Variants in MVB12A observed in about 807,000 individuals in gnomAD.
MVB12A encodes the protein CIN85/CD2AP family binding protein.
A neutral mutation model predicts 34.3 loss-of-function variants in MVB12A; 30 were observed. The ratio of observed to expected loss-of-function variants is 0.88; its 90% CI spans 0.65 to 1.19. MVB12A has a LOEUF of 1.19. MVB12A is among the 50% of genes most tolerant of loss of function. The pLI is 0.00. For synonymous variants in MVB12A, 158 were observed against 158.9 expected (o/e 0.99, Z 0.04); for missense variants, 355 against 369.2 (o/e 0.96, Z 0.31).
chr19:17,420,161 C>T lies in MVB12A; in HGVS notation c.26C>T (p.Ser9Leu), dbSNP rs916216238. 2.9e-6 allele frequency: 4 copies of T among 1,391,908 alleles called. No individual in the cohort carries two copies. Among genetic ancestry groups the T allele is most frequent in the African/African-American group, 3.0e-5 (2 of 65,894 alleles). The allele number at this position is 1,391,908 out of a possible 1,614,324, so 86.2% of individuals were successfully genotyped here. MDPVPGTD[S>L]APLAGLAWSS... ...ATGGATCCCGTACCCGGGACAGACTCGGCGCCGCTGGCTGGCCTGGCCTGG... is the reference window on the plus strand; with the variant it reads ...ATGGATCCCGTACCCGGGACAGACTTGGCGCCGCTGGCTGGCCTGGCCTGG... The change falls in exon 1 of 9, where the codon TCG becomes TTG. Residue 9 changes from serine to leucine, a missense_variant. Physicochemically the swap from Ser to Leu is moderately radical, Grantham distance 145 (BLOSUM62 -2). Coordinates refer to ENST00000317040, the MANE Select transcript of MVB12A (RefSeq NM_138401.4).
upstream of MVB12A, chr19:17,418,285 C>A: frequency 5.1e-6 from 1 of 195,288 alleles, no homozygotes; most frequent in South Asian, 1.0e-4. Context: ...TCACCATTAG[C>A]CATCCTGACT....
chr19:17,407,019 T>TA (rs1363803206), intron 2 of MVB12A, among the ~76,000 whole-genome samples: 3 of 152,150 alleles, frequency 2.0e-5, no homozygotes, highest in Non-Finnish European at 4.4e-5. Flanking sequence ...CCTGCTAACT[T>TA]TAGGGTTAGT....
chr19:17,423,260 G>A (rs554167596), intron 4 of MVB12A, among the ~76,000 whole-genome samples: 1 of 150,330 alleles, frequency 6.7e-6, no homozygotes, highest in Non-Finnish European at 1.5e-5. Context: ...TCCAGAGGCT[G>A]AGGCAGGAGA....
Position 17,423,711 on chromosome 19 carries a change from G to GCGGACAGCGTCAAGGCTGGGCTCT in MVB12A, c.556_579dup (p.Thr186_Arg193dup), listed in dbSNP as rs761021258. ...CCTCCAGTAAGGGCGGCCTCCTGGA[G>GCGGACAGCGTCAAGGCTGGGCTCT]CGGACAGCGTCAAGGCTGGGCTCTC... On this transcript the variant is annotated inframe_insertion, in exon 6 of 9. Coordinates refer to ENST00000317040, the MANE Select transcript of MVB12A (RefSeq NM_138401.4). 1.9e-6 allele frequency: 3 copies of GCGGACAGCGTCAAGGCTGGGCTCT among 1,613,844 alleles called. No homozygotes were observed. In the African/African-American group the frequency reaches 4.0e-5, roughly 22 times the overall value.
intron 2 of MVB12A, among the ~76,000 whole-genome samples, chr19:17,408,943 C>T (rs2074746261): frequency 6.7e-6 from 1 of 149,516 alleles, no homozygotes; most frequent in South Asian, 2.1e-4. Context: ...ATTCTCCTGC[C>T]TCAGCCTCCT....
rs1232206951 is a variant in MVB12A at position 17,420,649 on chromosome 19, G to A, written c.286+15G>A. The A allele has an allele frequency of 3.2e-6, 5 of 1,570,036 alleles. No individual in the cohort carries two copies. Among genetic ancestry groups the A allele is most frequent in the Non-Finnish European group, 8.8e-7 (1 of 1,140,296 alleles). The stretch of plus-strand genomic sequence containing the variant: ...CATGGATTCCAGTAAGGGCTGCTTC[G>A]GAGGCGAGAGTTGTCCGGGTCCCTT... On this transcript the variant is annotated intron_variant, in intron 3 of 8. Transcript: ENST00000317040.
rs746506881 is a variant in MVB12A, at chr19:17,424,540, A to C, written c.703-81A>C. 1.6e-5 allele frequency: 22 copies of C among 1,386,500 alleles called. No individual in the cohort carries two copies. In the African/African-American group the frequency reaches 2.6e-4, roughly 16 times the overall value. The allele number at this position is 1,386,500 out of a possible 1,614,324, so 85.9% of individuals were successfully genotyped here. A position where few individuals can be genotyped will look rare whatever the true frequency, so the allele number is the denominator to read the frequency against. The stretch of plus-strand genomic sequence containing the variant: ...GGAATATTCGGGGAGTGTTGGGGGG[A>C]GGGCAGGACCCCTTGAAGACGAAGG... On this transcript the variant is annotated intron_variant, in intron 7 of 8. Transcript: ENST00000317040.
upstream of MVB12A, chr19:17,419,842 C>T (rs1214059021): frequency 7.3e-6 from 2 of 273,120 alleles, no homozygotes; most frequent in East Asian, 1.3e-4. Flanking sequence ...GGTCCTGTGC[C>T]GTAGCATTTC....
chr19:17,416,220 TACAGGCGC>T (rs2074798650), upstream of MVB12A, among the ~76,000 whole-genome samples: 1 of 79,260 alleles, frequency 1.3e-5, no homozygotes, highest in African/African-American at 1.5e-4. Flanking sequence ...TAGCTGGGAT[TACAGGCGC>T]ATGCCACTGA....
At chr19:17,417,121 C>T, upstream of MVB12A, 1 of 306,936 alleles carries the variant, frequency 3.3e-6, no homozygotes, top group South Asian at 3.2e-5. Flanking sequence ...AGTCAGCAAC[C>T]TCTTCCTCAT....
chr19:17,406,728 C>G (rs533823472), intron 2 of MVB12A, among the ~76,000 whole-genome samples: 15 of 152,084 alleles, frequency 9.9e-5, no homozygotes, highest in Non-Finnish European at 1.8e-4. Flanking sequence ...GAGGATCACT[C>G]GAGCCCAGGA....
intron 2 of MVB12A, among the ~76,000 whole-genome samples, chr19:17,410,527 T>TACACAC (rs1375212841): frequency 2.1e-4 from 16 of 78,034 alleles, no homozygotes; most frequent in African/African-American, 1.0e-3. Context: ...TATATATATA[T>TACACAC]ATACACACAC....
At chr19:17,411,512 C>T (rs1291155516) in intron 2 of MVB12A, among the ~76,000 whole-genome samples, 3 of 151,862 alleles carry the variant, frequency 2.0e-5, no homozygotes, top group African/African-American at 7.3e-5. Flanking sequence ...CTCAGTACCA[C>T]ACCTGGCTAA....
chr19:17,420,543 G>T lies in MVB12A; in HGVS notation c.195G>T (p.Pro65=). 1.2e-6 allele frequency: 2 copies of T among 1,613,512 alleles called. No individual in the cohort carries two copies. The highest frequency in any genetic ancestry group is 1.7e-6 in the Non-Finnish European group (2 of 1,179,508). ...CLSSLGSLEN[P]QENVVADIQI... ...TGTCCCCCTTCCACCCCCAGAACCC[G>T]CAGGAGAACGTGGTGGCCGATATCC... The change falls in exon 3 of 9, where the codon CCG becomes CCT. Residue 65 remains proline, a synonymous_variant. Transcript: ENST00000317040.
In MVB12A at chr19:17,422,319, C is replaced by A. The variant is rs1235611660; in HGVS notation, c.287-13C>A. 1.2e-6 allele frequency: 2 copies of A among 1,608,154 alleles called. No homozygotes were observed. Among genetic ancestry groups the A allele is most frequent in the East Asian group, 2.2e-5 (1 of 44,666 alleles). ...TGGCTTCCCTCTCTCACTCCCCTAC[C>A]CCCCACTCCCAGAGGCCTCTGTGTC... On this transcript the variant is annotated splice_polypyrimidine_tract_variant and intron_variant, in intron 3 of 8. Transcript: ENST00000317040.
chr19:17,424,118 G>A (rs753728264), intron 7 of MVB12A, 51 bp downstream of exon 7: 204 of 1,564,284 alleles, frequency 1.3e-4, no homozygotes, highest in Non-Finnish European at 1.7e-4. Context: ...TCACCATTCT[G>A]GGTGCCAGGA....
chr19:17,417,327 T>C (rs2074807467), upstream of MVB12A: 1 of 173,810 alleles, frequency 5.8e-6, no homozygotes, highest in Non-Finnish European at 1.2e-5. Context: ...GACAGTTGGT[T>C]GGGTGTGATG....
At chr19:17,409,398 T>C (rs1453980596) in intron 2 of MVB12A, among the ~76,000 whole-genome samples, 1 of 150,582 alleles carries the variant, frequency 6.6e-6, no homozygotes, top group Non-Finnish European at 1.5e-5. Flanking sequence ...CCCAAAGTGC[T>C]GGGATTACAG....
At chr19:17,423,650 G>C in intron 5 of MVB12A, 33 bp downstream of exon 5, 2 of 1,613,212 alleles carry the variant, frequency 1.2e-6, no homozygotes, top group Non-Finnish European at 1.7e-6. Context: ...GGGGGTGGCC[G>C]TTGTGGGAGG....
Sources: allele counts gnomAD v4.1 joint callset (sites outside exome capture counted in the v4.1 genomes callset), GRCh38; gene constraint gnomAD v4.1.1; transcripts MANE v1.5; gene names NCBI Gene and HGNC (gene_info 2026-07-23, HGNC 2026-07-21).